The following TBC1D30 variants were observed in gnomAD, a reference collection of about 807,000 sequenced individuals.
TBC1D30 encodes TBC1 domain family member 30.
Under a neutral mutation model 63.2 loss-of-function variants are expected in TBC1D30, and 31 were observed. The observed-to-expected ratio is 0.49, with a 90% CI of 0.37 to 0.66. The LOEUF (loss-of-function observed/expected upper bound fraction) is 0.66. Among genes scored for constraint, TBC1D30 ranks in the 30% least tolerant of loss-of-function variants. TBC1D30 has a pLI of 0.00. For missense variants in TBC1D30, 810 were observed against 953.6 expected, an observed-to-expected ratio of 0.85 and a Z score of 1.98; for synonymous variants, 307 against 361.5, an observed-to-expected ratio of 0.85 and a Z score of 1.71.
chr12:64,841,987 A>C (rs1875917072), intron 7 of TBC1D30, among the ~76,000 whole-genome samples: 1 of 152,330 alleles, frequency 6.6e-6, no homozygotes, highest in South Asian at 2.1e-4. Flanking sequence ...CAATATTAGT[A>C]TGTATCAAAG....
Position 64,782,390 on chromosome 12 carries a change from ATT to A in TBC1D30, c.478+1117_478+1118del, listed in dbSNP as rs113623885. Among the ~76,000 whole-genome samples, 729 of 142,932 alleles carry A rather than the reference ATT, an allele frequency of 5.1e-3. 3 individuals carry two copies. The highest frequency in any genetic ancestry group is 0.018 in the African/African-American group (698 of 39,394). 93.8% of individuals were successfully genotyped at this position (142,932 alleles called of 152,430 possible). On this transcript the variant is annotated intron_variant, in intron 1 of 12. Transcript: ENST00000542120. ...TTCCTCTTTTGACTTCCTAGTGAAG[ATT>A]TTTTTTTTTTTTCCCCAGCTGATTG...
chr12:64,838,999 C>A, intron 7 of TBC1D30, 148 bp downstream of exon 7: 1 of 761,434 alleles, frequency 1.3e-6, no homozygotes. Context: ...TCAGCAGGCT[C>A]ATTGCTGGCA....
intron 2 of TBC1D30, among the ~76,000 whole-genome samples, chr12:64,801,954 G>C (rs1325481252): frequency 5.9e-5 from 9 of 152,098 alleles, no homozygotes; most frequent in Admixed American, 5.9e-4. Context: ...TGGCGTTTTT[G>C]CTGTGAATTT....
intron 1 of TBC1D30, among the ~76,000 whole-genome samples, 163 bp from the exon 2 acceptor site, chr12:64,827,672 A>G (rs1874480387): frequency 6.6e-6 from 1 of 152,192 alleles, no homozygotes. Context: ...CTATTTTAAG[A>G]ATCAATATGC....
chr12:64,871,431 G>A (rs1331927862), intron 11 of TBC1D30, among the ~76,000 whole-genome samples: 1 of 152,150 alleles, frequency 6.6e-6, no homozygotes, highest in African/African-American at 2.4e-5. Context: ...TGATTTGGGA[G>A]TTGTTTTTTC....
chr12:64,871,576 C>G (rs1158326638), intron 11 of TBC1D30, among the ~76,000 whole-genome samples: 1 of 152,198 alleles, frequency 6.6e-6, no homozygotes, highest in East Asian at 1.9e-4. Flanking sequence ...TTCCATTTAT[C>G]AGAGAAGAAT....
chr12:64,794,162 T>C (rs1197341963), intron 2 of TBC1D30, among the ~76,000 whole-genome samples: 1 of 152,022 alleles, frequency 6.6e-6, no homozygotes, highest in Non-Finnish European at 1.5e-5. Flanking sequence ...GGACTGTTTA[T>C]TTTTTTTCCC....
intron 1 of TBC1D30, among the ~76,000 whole-genome samples, chr12:64,765,770 CA>C (rs1870689217): frequency 7.0e-6 from 1 of 143,446 alleles, no homozygotes; most frequent in African/African-American, 2.7e-5. Flanking sequence ...CCTAGGTGGG[CA>C]GATGGCTTGA....
intron 8 of TBC1D30, among the ~76,000 whole-genome samples, chr12:64,848,888 C>T (rs569516797): frequency 6.6e-6 from 1 of 152,230 alleles, no homozygotes; most frequent in Non-Finnish European, 1.5e-5. Context: ...TACACTCCCA[C>T]CAACAGTGTA....
intron 2 of TBC1D30, among the ~76,000 whole-genome samples, chr12:64,791,539 G>A (rs1385796499): frequency 1.3e-5 from 2 of 152,104 alleles, no homozygotes; most frequent in Non-Finnish European, 2.9e-5. Flanking sequence ...TTTTGAGACA[G>A]TGTCTTGTTG....
chr12:64,782,792 T>C (rs1312938494), intron 1 of TBC1D30, among the ~76,000 whole-genome samples: 1 of 152,236 alleles, frequency 6.6e-6, no homozygotes, highest in African/African-American at 2.4e-5. Flanking sequence ...TTCGGTCTTA[T>C]TGCATAGCTA....
Position 64,865,959 on chromosome 12 carries a change from T to C in TBC1D30, c.1152-805T>C, listed in dbSNP as rs545049506. ...ATCATGGCATACTGCGGCCTTAACC[T>C]TCCAGGCTCAAGTGATTTTCCCACC... On this transcript the variant is annotated intron_variant, in intron 9 of 11. Coordinates refer to ENST00000539867, the MANE Select transcript of TBC1D30 (RefSeq NM_015279.2). Among the ~76,000 whole-genome samples, 30 of 152,272 alleles carry C rather than the reference T, an allele frequency of 2.0e-4. No individual in the cohort carries two copies. In the South Asian group the frequency reaches 6.2e-3, roughly 32 times the overall value.
In TBC1D30 at chr12:64,875,724, T is replaced by C; in HGVS notation, c.2222T>C (p.Phe741Ser). 6.5e-7 allele frequency: 1 copy of C among 1,536,362 alleles called. No individual in the cohort carries two copies. Among genetic ancestry groups the C allele is most frequent in the Non-Finnish European group, 8.7e-7 (1 of 1,146,962 alleles). ...ACAGAAAGAACCCCAACTGTGCACT[T>C]TCCTCAAATGAGTAGGAGCTTCAGC... The part of the protein sequence containing the change: ...GPTERTPTVH[F>S]PQMSRSFSKP... Residue 741 changes from phenylalanine (F) to serine (S), a missense_variant, in exon 12 of 12, where the codon TTT becomes TCT. Physicochemically the swap from Phe to Ser is radical, Grantham distance 155 (BLOSUM62 -2). Transcript: ENST00000539867.
chr12:64,808,544 C>T (rs1006579473), intron 2 of TBC1D30, among the ~76,000 whole-genome samples: 2 of 152,144 alleles, frequency 1.3e-5, no homozygotes, highest in Non-Finnish European at 2.9e-5. Flanking sequence ...TGATTTGTAT[C>T]TCTCTGGCTT....
At chr12:64,873,504 G>A (rs528448936) in intron 11 of TBC1D30, among the ~76,000 whole-genome samples, 4 of 152,108 alleles carry the variant, frequency 2.6e-5, no homozygotes, top group East Asian at 3.9e-4. Context: ...TGATCTAAGC[G>A]GTCAGCCATG....
intron 2 of TBC1D30, among the ~76,000 whole-genome samples, chr12:64,809,402 A>T (rs1432912835): frequency 6.6e-6 from 1 of 152,160 alleles, no homozygotes; most frequent in East Asian, 1.9e-4. Context: ...CTCCAGCTCC[A>T]TCCAGGTTGC....
chr12:64,804,298 T>C (rs1280212402), intron 2 of TBC1D30, among the ~76,000 whole-genome samples: 1 of 152,190 alleles, frequency 6.6e-6, no homozygotes, highest in African/African-American at 2.4e-5. Flanking sequence ...CTGTCTGTTA[T>C]TGGTGTAGAG....
chr12:64,825,159 G>A, intron 1 of TBC1D30, 126 bp downstream of exon 1: 1 of 1,344,784 alleles, frequency 7.4e-7, no homozygotes, highest in Non-Finnish European at 9.8e-7. Flanking sequence ...ACCTGGTGCG[G>A]GGCACCGCGT....
chr12:64,807,419 G>C (rs763283427), intron 2 of TBC1D30, among the ~76,000 whole-genome samples: 1 of 152,120 alleles, frequency 6.6e-6, no homozygotes, highest in Non-Finnish European at 1.5e-5. Context: ...TGTTTAATGT[G>C]TATAAAGTTT....
Sources: gnomAD v4.1 joint callset for allele counts (sites outside exome capture counted in the v4.1 genomes callset) on GRCh38, gnomAD v4.1.1 for gene constraint, MANE v1.5 for transcripts, NCBI Gene and HGNC (gene_info 2026-07-23, HGNC 2026-07-21) for gene names.